Variants in TBXAS1 observed in about 807,000 individuals in gnomAD.
The protein encoded by TBXAS1 is thromboxane A synthase 1, also known as thromboxane-A synthase.
A neutral mutation model predicts 60.7 loss-of-function variants in TBXAS1; 48 were observed. The ratio of observed to expected loss-of-function variants is 0.79; its 90% CI spans 0.63 to 1.01. The LOEUF (loss-of-function observed/expected upper bound fraction) is 1.01. Ranked by LOEUF, TBXAS1 falls within the 50% of genes least tolerant of loss-of-function variation. The pLI, the probability that TBXAS1 is intolerant of heterozygous loss-of-function variation, is 0.00. For missense variants in TBXAS1, 685 were observed against 686.3 expected, an observed-to-expected ratio of 1.00 and a Z score of 0.02; for synonymous variants, 287 against 269.7, an observed-to-expected ratio of 1.06 and a Z score of -0.63.
intron 1 of TBXAS1, among the ~76,000 whole-genome samples, chr7:139,853,302 T>C (rs1480317541): frequency 2.0e-5 from 3 of 152,246 alleles, no homozygotes; most frequent in South Asian, 2.1e-4. Context: ...GTCTTACAGA[T>C]AGGTTGGATT....
At chr7:139,919,718 T>A (rs772624044) in intron 4 of TBXAS1, among the ~76,000 whole-genome samples, 21 of 152,238 alleles carry the variant, frequency 1.4e-4, no homozygotes, top group Non-Finnish European at 3.1e-4. Context: ...ATCACTGGGC[T>A]GGTGCATGAG....
intron 4 of TBXAS1, among the ~76,000 whole-genome samples, chr7:139,823,920 C>G (rs902208628): frequency 6.6e-6 from 1 of 152,170 alleles, no homozygotes; most frequent in African/African-American, 2.4e-5. Context: ...GTCCCTTTAC[C>G]CAGCATCCTT....
intron 9 of TBXAS1, among the ~76,000 whole-genome samples, chr7:140,000,416 G>C (rs1055741077): frequency 6.6e-6 from 1 of 152,204 alleles, no homozygotes; most frequent in African/African-American, 2.4e-5. Context: ...GCTGAGGCAG[G>C]AGGATCGCTT....
chr7:139,806,869 C>T (rs915341420), intron 4 of TBXAS1, among the ~76,000 whole-genome samples: 5 of 152,338 alleles, frequency 3.3e-5, no homozygotes, highest in Middle Eastern at 3.4e-3. Context: ...GCCATCCACA[C>T]TGGTGTGTGG....
intron 9 of TBXAS1, among the ~76,000 whole-genome samples, chr7:139,988,394 A>G (rs764490022): frequency 6.6e-6 from 1 of 152,178 alleles, no homozygotes; most frequent in Non-Finnish European, 1.5e-5. Flanking sequence ...ACAGACTCAC[A>G]GTCATGGTCC....
rs114836718 is a variant in TBXAS1 at position 139,821,662 on chromosome 7, C to A, written c.-79-7650C>A. On this transcript the variant is annotated intron_variant, in intron 4 of 16. Coordinates refer to the TBXAS1 transcript ENST00000336425. ...CCCACTGCAGGAGATGTTTCCTCTT[C>A]CCCGTGGGACCCACAATGAGTGGCA... is the stretch of plus-strand genomic sequence containing the variant. Among the ~76,000 whole-genome samples, 300 of 152,358 alleles carry A rather than the reference C, an allele frequency of 2.0e-3. 2 individuals carry two copies. Among genetic ancestry groups the A allele is most frequent in the African/African-American group, 6.8e-3 (281 of 41,592 alleles).
intron 4 of TBXAS1, among the ~76,000 whole-genome samples, chr7:139,791,918 A>G (rs1015394935): frequency 2.6e-5 from 4 of 152,014 alleles, no homozygotes; most frequent in African/African-American, 9.7e-5. Context: ...TTTAGAAAAA[A>G]GAAGTGAAGA....
intron 4 of TBXAS1, among the ~76,000 whole-genome samples, chr7:139,790,829 G>A (rs574175246): frequency 6.6e-6 from 1 of 152,290 alleles, no homozygotes; most frequent in South Asian, 2.1e-4. Context: ...CTGAGACAGG[G>A]TCTCACTGTG....
chr7:139,919,758 T>A (rs567004880), intron 4 of TBXAS1, among the ~76,000 whole-genome samples: 1 of 152,360 alleles, frequency 6.6e-6, no homozygotes, highest in South Asian at 2.1e-4. Flanking sequence ...GCTGTCTTCA[T>A]GCACCCATGG....
intron 1 of TBXAS1, among the ~76,000 whole-genome samples, chr7:139,847,906 C>T (rs530302957): frequency 3.9e-5 from 6 of 152,306 alleles, no homozygotes; most frequent in Admixed American, 2.0e-4. Context: ...ACTGCAGCCT[C>T]AAACTTCTGA....
At chr7:139,923,176 A>ATATATATATATATATATATATATAT (rs1554490812) in intron 4 of TBXAS1, among the ~76,000 whole-genome samples, 3 of 152,004 alleles carry the variant, frequency 2.0e-5, no homozygotes, top group African/African-American at 4.8e-5. Flanking sequence ...ATATATATAT[A>ATATATATATATATATATATATATAT]ATTAGCCAGG....
At chr7:139,990,147 C>A (rs937600883) in intron 9 of TBXAS1, among the ~76,000 whole-genome samples, 4 of 152,214 alleles carry the variant, frequency 2.6e-5, no homozygotes, top group Admixed American at 2.6e-4. Flanking sequence ...CTCCTCTCCT[C>A]CCCCAGGCCA....
chr7:139,989,582 G>C (rs1034948361), intron 9 of TBXAS1, among the ~76,000 whole-genome samples: 1 of 152,170 alleles, frequency 6.6e-6, no homozygotes, highest in Non-Finnish European at 1.5e-5. Context: ...GGACCCCTGT[G>C]GTCTTTGCAG....
intron 4 of TBXAS1, among the ~76,000 whole-genome samples, chr7:139,807,519 G>A (rs56133843): frequency 0.047 from 7,213 of 152,156 alleles, 215 homozygotes; most frequent in Non-Finnish European, 0.069. Flanking sequence ...AAGTAGCTGG[G>A]ACTACAGGTG....
chr7:139,787,584 G>C (rs922206031), intron 4 of TBXAS1, among the ~76,000 whole-genome samples: 7 of 152,170 alleles, frequency 4.6e-5, no homozygotes, highest in African/African-American at 1.7e-4. Context: ...GCACCACCGG[G>C]TTCCTGAGTT....
chr7:139,870,678 G>T (rs747451544), intron 1 of TBXAS1, among the ~76,000 whole-genome samples: 16 of 152,182 alleles, frequency 1.1e-4, no homozygotes, highest in Non-Finnish European at 2.1e-4. Context: ...GTGACGTACT[G>T]GGAATTCATT....
chr7:139,990,757 C>T (rs901885758), intron 9 of TBXAS1, among the ~76,000 whole-genome samples: 3 of 150,930 alleles, frequency 2.0e-5, no homozygotes, highest in Non-Finnish European at 4.4e-5. Context: ...GTGAACTTGA[C>T]CTCTACCCCT....
chr7:139,962,279 A>G, intron 9 of TBXAS1, 46 bp downstream of exon 9: 1 of 1,608,064 alleles, frequency 6.2e-7, no homozygotes, highest in Non-Finnish European at 8.5e-7. Flanking sequence ...TCCATAGGAC[A>G]ATTGATTTTG....
rs1373968607 is a variant in TBXAS1, at chr7:139,896,221, C to T, written c.237-15004C>T. 2.0e-5 allele frequency among the ~76,000 whole-genome samples: 3 copies of T among 152,060 alleles called. No homozygotes were observed. Among genetic ancestry groups the T allele is most frequent in the Non-Finnish European group, 4.4e-5 (3 of 68,032 alleles). On this transcript the variant is annotated intron_variant, in intron 3 of 12. Transcript: ENST00000448866. The surrounding 1 kb of genome is among the most constrained non-coding windows in gnomAD (Gnocchi z 4.0). Reference sequence around the variant, plus strand: ...GAGCGATCAGGAGCTTATCAATAAACAGAGGGTGATGCAGGTCAGTAGAGG... The same window carrying T: ...GAGCGATCAGGAGCTTATCAATAAATAGAGGGTGATGCAGGTCAGTAGAGG...
Sources: allele counts gnomAD v4.1 joint callset (sites outside exome capture counted in the v4.1 genomes callset), GRCh38; gene constraint gnomAD v4.1.1; non-coding constraint Gnocchi (gnomAD v3.1); transcripts MANE v1.5; gene names NCBI Gene and HGNC (gene_info 2026-07-23, HGNC 2026-07-21).